A1CF: variants seen among roughly 807,000 people sequenced by gnomAD.
The protein encoded by A1CF is APOBEC1 complementation factor, also known as APOBEC-1 stimulating protein.
A1CF carries 48 observed loss-of-function variants against 68.9 expected under a neutral mutation model. The observed-to-expected ratio is 0.70, with a 90% CI of 0.55 to 0.89. A1CF has a LOEUF of 0.89. Ranked by LOEUF, A1CF falls within the 40% of genes least tolerant of loss-of-function variation. The probability of loss-of-function intolerance (pLI) is 0.00; values close to 1 mark genes in which losing one functional copy is unlikely to be tolerated. For synonymous variants in A1CF, 272 were observed against 260.4 expected, an observed-to-expected ratio of 1.04 and a Z score of -0.43; for missense variants, 653 against 718.9, an observed-to-expected ratio of 0.91 and a Z score of 1.05.
At chr10:50,814,385 A>G (rs1382812149) in intron 9 of A1CF, among the ~76,000 whole-genome samples, 1 of 152,232 alleles carries the variant, frequency 6.6e-6, no homozygotes, top group Non-Finnish European at 1.5e-5. Context: ...ATACAGACTA[A>G]TAAAGACTGG....
intron 3 of A1CF, among the ~76,000 whole-genome samples, chr10:50,852,433 A>C (rs563167539): frequency 6.6e-6 from 1 of 152,256 alleles, no homozygotes; most frequent in East Asian, 1.9e-4. Flanking sequence ...TGGCTAGTAG[A>C]AGTAAGACTG....
chr10:50,849,999 T>A (rs1840167123), intron 3 of A1CF, among the ~76,000 whole-genome samples: 1 of 152,172 alleles, frequency 6.6e-6, no homozygotes, highest in African/African-American at 2.4e-5. Flanking sequence ...TTTCACTGTG[T>A]TAGCCAGGAG....
At chr10:50,851,185 AG>A in intron 3 of A1CF, among the ~76,000 whole-genome samples, 1 of 152,206 alleles carries the variant, frequency 6.6e-6, no homozygotes, top group Non-Finnish European at 1.5e-5. Flanking sequence ...GGACTTGGCA[AG>A]GCACTAAATC....
chr10:50,866,985 G>A (rs942749445), intron 1 of A1CF, among the ~76,000 whole-genome samples: 1 of 150,710 alleles, frequency 6.6e-6, no homozygotes, highest in Non-Finnish European at 1.5e-5. Flanking sequence ...AGACTGCTGG[G>A]ATTACAGGCG....
intron 3 of A1CF, among the ~76,000 whole-genome samples, chr10:50,848,047 T>A (rs1249829619): frequency 6.6e-6 from 1 of 152,190 alleles, no homozygotes; most frequent in African/African-American, 2.4e-5. Context: ...CTATCTCCAA[T>A]TGAATTAGGT....
rs866600247 is a variant in A1CF at position 50,836,286 on chromosome 10, G to A, written c.392C>T (p.Ala131Val). 2 of 1,613,794 alleles carry A rather than the reference G, an allele frequency of 1.2e-6. No homozygotes were observed. The highest frequency in any genetic ancestry group is 2.2e-5 in the South Asian group (2 of 91,064). Reference sequence around the variant, plus strand: ...AAATAATCGGCAGTTGTCCACACTGGCACAAACCCCTAAGAGGCGCCCATT... The same window carrying A: ...AAATAATCGGCAGTTGTCCACACTGACACAAACCCCTAAGAGGCGCCCATT... ...IRNGRLLGVC[A>V]SVDNCRLFVG... The change falls in exon 6 of 13, where the codon GCC becomes GTC. Residue 131 changes from alanine to valine, a missense_variant. Transcript: ENST00000373997.
chr10:50,843,907 G>T (rs188349342), intron 4 of A1CF, 81 bp downstream of exon 4: 3 of 1,542,532 alleles, frequency 1.9e-6, no homozygotes, highest in Non-Finnish European at 2.7e-6. Flanking sequence ...GACCAAGAAG[G>T]CTGAGAATGA....
At position 50,806,826 on chromosome 10, in the gene A1CF, G is replaced by A. The variant is rs1433268857; in HGVS notation, c.1664C>T (p.Ala555Val). 8 of 1,613,530 alleles carry A rather than the reference G, an allele frequency of 5.0e-6. No homozygotes were observed. The highest frequency in any genetic ancestry group is 1.1e-5 in the South Asian group (1 of 91,042). ...APVSAAQLKQ[A>V]VTLGQDLAAY... Reference sequence around the variant, plus strand: ...TGCTAAGTCTTGTCCAAGGGTTACCGCTTGCTTGAGCTGGGCTGCAGACAC... The same window carrying A: ...TGCTAAGTCTTGTCCAAGGGTTACCACTTGCTTGAGCTGGGCTGCAGACAC... The change falls in exon 13 of 13, where the codon GCG (alanine) becomes GTG (valine). Residue 555 changes from alanine (A) to valine (V), a missense_variant. Physicochemically the swap from Ala to Val is moderately conservative, Grantham distance 64. Transcript: ENST00000373997.
In A1CF at chr10:50,800,456, T is replaced by TTA. The variant is rs1434879046; in HGVS notation, c.*6272_*6273insTA. The TTA allele has an allele frequency of 6.6e-6, 1 of 152,160 alleles. No homozygotes were observed. The highest frequency in any genetic ancestry group is 1.5e-5 in the Non-Finnish European group (1 of 68,010). 9.4% of individuals were successfully genotyped at this position (152,160 alleles called of 1,614,324 possible). A position where few individuals can be genotyped will look rare whatever the true frequency, so the allele number is the denominator to read the frequency against. ...GAACAGAGTTGATTTATTTTCAGAA[T>TTA]TCTAAGTGGCAAAACCTATCAGGTG... On this transcript the variant is annotated 3_prime_UTR_variant, in exon 13 of 13. Coordinates refer to ENST00000373997, the MANE Select transcript of A1CF (RefSeq NM_014576.4).
intron 3 of A1CF, among the ~76,000 whole-genome samples, chr10:50,850,045 T>A (rs1840168820): frequency 6.6e-6 from 1 of 152,172 alleles, no homozygotes; most frequent in African/African-American, 2.4e-5. Flanking sequence ...ATTGGTGGCA[T>A]GTATCTATGG....
intron 5 of A1CF, among the ~76,000 whole-genome samples, chr10:50,840,117 C>A (rs2132445600): frequency 6.6e-6 from 1 of 151,960 alleles, no homozygotes; most frequent in East Asian, 1.9e-4. Context: ...TTCTTTTGGT[C>A]CTATAGAAAG....
At chr10:50,875,255 G>C (rs1841456874) in intron 1 of A1CF, among the ~76,000 whole-genome samples, 1 of 151,796 alleles carries the variant, frequency 6.6e-6, no homozygotes, top group South Asian at 2.1e-4. Flanking sequence ...TTTCCTAGTT[G>C]TATTTATAAA....
At position 50,843,984 on chromosome 10, in the gene A1CF, T is replaced by A; in HGVS notation, c.234+4A>T. ...GAAAAATTAAATGTTAAATTTGGAC[T>A]CACTTTTTCACATAATGGTATAAGC... is the stretch of plus-strand genomic sequence containing the variant. On this transcript the variant is annotated splice_donor_region_variant and intron_variant, in intron 4 of 12. Coordinates refer to ENST00000373997, the MANE Select transcript of A1CF (RefSeq NM_014576.4). 6.2e-7 allele frequency: 1 copy of A among 1,612,420 alleles called. No homozygotes were observed. Among genetic ancestry groups the A allele is most frequent in the Non-Finnish European group, 8.5e-7 (1 of 1,179,390 alleles).
intron 1 of A1CF, among the ~76,000 whole-genome samples, chr10:50,866,456 C>T (rs558243609): frequency 6.6e-6 from 1 of 152,138 alleles, no homozygotes; most frequent in Non-Finnish European, 1.5e-5. Flanking sequence ...ATGGAAATTG[C>T]CATAGTTCAC....
intron 9 of A1CF, 55 bp from the exon 10 acceptor site, chr10:50,814,093 C>G (rs1315505142): frequency 6.3e-7 from 1 of 1,591,226 alleles, no homozygotes. Flanking sequence ...TAAACTGAAT[C>G]AAACCACCAG....
At chr10:50,851,143 C>G (rs769847196) in intron 3 of A1CF, among the ~76,000 whole-genome samples, 21 of 152,204 alleles carry the variant, frequency 1.4e-4, no homozygotes, top group Non-Finnish European at 2.4e-4. Flanking sequence ...CCTTACAACA[C>G]TCTTGTGAAT....
rs145703688 is a variant in A1CF, at chr10:50,835,020, C to T, written c.604+1054G>A. Among the ~76,000 whole-genome samples, 934 of 152,250 alleles carry T rather than the reference C, an allele frequency of 6.1e-3. 8 individuals are homozygous for T. The highest frequency in any genetic ancestry group is 0.012 in the Admixed American group (177 of 15,282). On this transcript the variant is annotated intron_variant, in intron 6 of 12. Transcript: ENST00000373997. ...AGTCTTAGTGAGTCTATCTATGGAC[C>T]TGTGATTTAGATGACTTGACCAAAT...
At chr10:50,879,076 C>T (rs1841654016) in intron 1 of A1CF, among the ~76,000 whole-genome samples, 1 of 152,200 alleles carries the variant, frequency 6.6e-6, no homozygotes, top group Non-Finnish European at 1.5e-5. Context: ...CTATCACTCA[C>T]ACCCCGCATC....
intron 7 of A1CF, 108 bp downstream of exon 7, chr10:50,828,023 A>T: frequency 1.3e-6 from 1 of 799,070 alleles, no homozygotes; most frequent in South Asian, 3.1e-5. Context: ...TATGCAAATA[A>T]ACTAGAAATC....
Sources: gnomAD v4.1 joint callset for allele counts (sites outside exome capture counted in the v4.1 genomes callset) on GRCh38, gnomAD v4.1.1 for gene constraint, MANE v1.5 for transcripts, NCBI Gene and HGNC (gene_info 2026-07-23, HGNC 2026-07-21) for gene names.